The following PRDM10 variants were observed in gnomAD, a reference collection of about 807,000 sequenced individuals.
The protein encoded by PRDM10 is PR/SET domain 10, also known as PR domain zinc finger protein 10.
Under a neutral mutation model 133.1 loss-of-function variants are expected in PRDM10, and 65 were observed. That is an observed-to-expected ratio of 0.49 (90% CI 0.40 to 0.60). The LOEUF (loss-of-function observed/expected upper bound fraction) is 0.60, where lower values mean the gene tolerates loss of function less well. PRDM10 is among the 20% of genes least tolerant of loss of function. The pLI, the probability that PRDM10 is intolerant of heterozygous loss-of-function variation, is 0.00. For missense variants in PRDM10, 1,137 were observed against 1,507.1 expected (o/e 0.75, Z 4.07); for synonymous variants, 582 against 580.4 (o/e 1.00, Z -0.04).
At chr11:129,903,878 T>G (rs1405547685) in intron 20 of PRDM10, among the ~76,000 whole-genome samples, 1 of 151,980 alleles carries the variant, frequency 6.6e-6, no homozygotes, top group African/African-American at 2.4e-5. Context: ...CCCCCAAAAA[T>G]GGACATTAAA....
At chr11:129,913,263 T>C (rs1039049017) in intron 17 of PRDM10, among the ~76,000 whole-genome samples, 1 of 144,614 alleles carries the variant, frequency 6.9e-6, no homozygotes, top group African/African-American at 2.6e-5. Flanking sequence ...TCCCAATATA[T>C]GCCAACAGAA....
intron 7 of PRDM10, among the ~76,000 whole-genome samples, chr11:129,938,208 G>A (rs748452109): frequency 2.0e-5 from 3 of 151,156 alleles, no homozygotes; most frequent in East Asian, 2.0e-4. Flanking sequence ...ACCTCAGGTG[G>A]CCACATTCAT....
At chr11:129,921,275 A>G (rs1950516411) in intron 13 of PRDM10, among the ~76,000 whole-genome samples, 1 of 152,230 alleles carries the variant, frequency 6.6e-6, no homozygotes, top group African/African-American at 2.4e-5. Flanking sequence ...GCAGCAGTTA[A>G]TCCAGGGATC....
intron 9 of PRDM10, among the ~76,000 whole-genome samples, chr11:129,933,362 T>G (rs1950930012): frequency 6.6e-6 from 1 of 152,154 alleles, no homozygotes; most frequent in Non-Finnish European, 1.5e-5. Context: ...TCCATCTATA[T>G]CCCCACCACT....
intron 1 of PRDM10, among the ~76,000 whole-genome samples, chr11:129,989,497 T>G (rs768969290): frequency 5.9e-5 from 9 of 152,120 alleles, no homozygotes; most frequent in Non-Finnish European, 8.8e-5. Context: ...AGCCCCAATA[T>G]CTCAAGCTCT....
chr11:129,993,292 G>GT (rs374574825), intron 1 of PRDM10, among the ~76,000 whole-genome samples: 3 of 152,132 alleles, frequency 2.0e-5, no homozygotes, highest in African/African-American at 7.2e-5. Flanking sequence ...GTAGCATCTT[G>GT]TTTAAGAAAT....
At chr11:129,915,919 GCAAACTAA>G in intron 15 of PRDM10, 59 bp from the exon 16 acceptor site, 4 of 1,476,826 alleles carry the variant, frequency 2.7e-6, no homozygotes, top group Non-Finnish European at 9.1e-7. Context: ...CTTGCTTAAA[GCAAACTAA>G]CAATTTCATT....
intron 1 of PRDM10, among the ~76,000 whole-genome samples, chr11:129,994,516 T>C (rs927467039): frequency 1.8e-4 from 27 of 150,468 alleles, no homozygotes; most frequent in African/African-American, 6.1e-4. Context: ...TTTGCACCTG[T>C]AACCCCAGCT....
intron 6 of PRDM10, among the ~76,000 whole-genome samples, chr11:129,944,039 G>A (rs759446491): frequency 6.6e-6 from 1 of 151,936 alleles, no homozygotes; most frequent in Non-Finnish European, 1.5e-5. Context: ...ATAAGAAGGG[G>A]CGATTAGGAC....
rs188595965 is a variant in PRDM10, at chr11:129,968,305, C to T, written c.-118-7223G>A. Among the ~76,000 whole-genome samples the T allele has an allele frequency of 2.5e-3, 374 of 152,236 alleles. 2 individuals carry two copies. The highest frequency in any genetic ancestry group is 3.4e-3 in the Non-Finnish European group (232 of 68,022). On this transcript the variant is annotated intron_variant, in intron 1 of 20. Transcript: ENST00000360871. ...CAATGCACTTACAAATAAACTTTTC[C>T]GGCTCATTATGAACTAACTAGCACA...
intron 1 of PRDM10, among the ~76,000 whole-genome samples, chr11:129,999,931 G>GT (rs1250441809): frequency 6.6e-6 from 1 of 151,716 alleles, no homozygotes; most frequent in African/African-American, 2.4e-5. Context: ...AGATTATGTC[G>GT]TTTGTACAAA....
chr11:129,986,691 C>T (rs771399906), intron 1 of PRDM10, among the ~76,000 whole-genome samples: 6 of 152,146 alleles, frequency 3.9e-5, no homozygotes, highest in Admixed American at 1.3e-4. Flanking sequence ...CATGACTTTG[C>T]GTGGAGGGCA....
chr11:129,929,094 A>G (rs77651675), intron 11 of PRDM10, among the ~76,000 whole-genome samples: 288 of 152,312 alleles, frequency 1.9e-3, no homozygotes, highest in African/African-American at 6.7e-3. Context: ...TGAAAATTCT[A>G]TTGTGTACCT....
intron 1 of PRDM10, among the ~76,000 whole-genome samples, chr11:130,001,044 C>T (rs1269384069): frequency 6.6e-6 from 1 of 152,102 alleles, no homozygotes; most frequent in Non-Finnish European, 1.5e-5. Context: ...GAGGTCGAGT[C>T]GGCAGTGAGC....
intron 1 of PRDM10, among the ~76,000 whole-genome samples, chr11:129,994,693 C>T (rs1938953544): frequency 6.6e-6 from 1 of 152,030 alleles, no homozygotes; most frequent in Non-Finnish European, 1.5e-5. Context: ...GCTCTGACGC[C>T]CAGGCTGGAG....
In PRDM10 at chr11:129,957,805, T is replaced by A. The variant is rs78900720; in HGVS notation, c.175A>T (p.Thr59Ser). ...GTGTGCTCTGGACCATCCACTGATG[T>A]GTAGGAGGCACCATCTGCCGTGTAC... is the stretch of plus-strand genomic sequence containing the variant. ...VVYTADGASY[T>S]SVDGPEHTLV... The change falls in exon 3 of 21, where the codon ACA becomes TCA. Residue 59 changes from threonine (T) to serine (S), a missense_variant. Thr to Ser is a moderately conservative substitution (Grantham distance 58, BLOSUM62 1). Transcript: ENST00000360871. The A allele has an allele frequency of 3.0e-3, 4,916 of 1,614,170 alleles. 68 individuals are homozygous for A. The African/African-American group carries it at 0.035, about 12-fold the overall frequency.
At chr11:129,986,721 G>A (rs935334164) in intron 1 of PRDM10, among the ~76,000 whole-genome samples, 1 of 152,080 alleles carries the variant, frequency 6.6e-6, no homozygotes, top group Non-Finnish European at 1.5e-5. Flanking sequence ...TAGGGTCGGG[G>A]GCCTGGATTG....
At chr11:129,954,296 T>C (rs1245907719) in intron 4 of PRDM10, among the ~76,000 whole-genome samples, 2 of 150,590 alleles carry the variant, frequency 1.3e-5, no homozygotes, top group Admixed American at 6.6e-5. Flanking sequence ...GGAGTCTTGC[T>C]CTATCACCCA....
At chr11:129,906,908 G>T (rs1196040167) in intron 19 of PRDM10, among the ~76,000 whole-genome samples, 1 of 151,858 alleles carries the variant, frequency 6.6e-6, no homozygotes, top group East Asian at 1.9e-4. Flanking sequence ...AACCTGGGAG[G>T]CAGAGTTGCA....
Sources: gnomAD v4.1 joint callset for allele counts (sites outside exome capture counted in the v4.1 genomes callset) on GRCh38, gnomAD v4.1.1 for gene constraint, MANE v1.5 for transcripts, NCBI Gene and HGNC (gene_info 2026-07-23, HGNC 2026-07-21) for gene names.